The following HMCN1 variants were observed in gnomAD, a reference collection of about 807,000 sequenced individuals.
HMCN1 encodes the protein hemicentin-1.
A neutral mutation model predicts 625.9 loss-of-function variants in HMCN1; 321 were observed. That is an observed-to-expected ratio of 0.51 (90% CI 0.47 to 0.56). HMCN1 has a LOEUF of 0.56. Ranked by LOEUF, HMCN1 falls within the 20% of genes least tolerant of loss-of-function variation. The probability of loss-of-function intolerance (pLI) is 0.00; values close to 1 mark genes in which losing one functional copy is unlikely to be tolerated. For missense variants in HMCN1, 6,588 were observed against 6,887.3 expected (o/e 0.96, Z 1.54); for synonymous variants, 2,425 against 2,417.6 (o/e 1.00, Z -0.09).
Position 185,735,040 on chromosome 1 carries a change from T to C in HMCN1, c.261T>C (p.His87=), listed in dbSNP as rs906784787. 5.0e-6 allele frequency: 8 copies of C among 1,614,012 alleles called. No individual in the cohort carries two copies. Among genetic ancestry groups the C allele is most frequent in the African/African-American group, 1.3e-5 (1 of 74,938 alleles). ...PLFNFALVPF[H]DPEIGPVTIT... ...TCAACTTTGCGTTGGTGCCTTTCCA[T>C]GATCCAGGTAAGGGAAATATTTATA... The change falls in exon 1 of 107, where the codon CAT becomes CAC. Residue 87 remains histidine (H), a synonymous_variant. Transcript: ENST00000271588.
Position 186,122,969 on chromosome 1 carries a change from C to T in HMCN1, c.12248C>T (p.Pro4083Leu), listed in dbSNP as rs573554320. Residue 4083 changes from proline to leucine, a missense_variant, in exon 81 of 107, where the codon CCT (proline) becomes CTT (leucine). Transcript: ENST00000271588. ...LNVQVPPVIS[P>L]HLKEYVIAVD... is the part of the protein sequence containing the mutation. ...ATTTTAGTTCCTCCAGTCATTAGCC[C>T]TCATCTAAAGGAATATGTTATTGCT... The T allele has an allele frequency of 2.5e-6, 4 of 1,613,944 alleles. No individual in the cohort carries two copies. In the South Asian group the frequency reaches 4.4e-5, roughly 18 times the overall value.
chr1:185,787,160 T>TGA (rs1257352381), intron 1 of HMCN1, among the ~76,000 whole-genome samples: 3 of 151,776 alleles, frequency 2.0e-5, no homozygotes, highest in African/African-American at 7.3e-5. Context: ...TGTGTGTGTG[T>TGA]GTGTGTGTGT....
At chr1:186,091,457 G>A (rs1483787105) in intron 64 of HMCN1, among the ~76,000 whole-genome samples, 3 of 151,936 alleles carry the variant, frequency 2.0e-5, no homozygotes, top group African/African-American at 7.2e-5. Flanking sequence ...TGTTACCCAT[G>A]CAACAAACCA....
chr1:185,863,920 AT>A (rs902672261), intron 2 of HMCN1, among the ~76,000 whole-genome samples: 22 of 152,178 alleles, frequency 1.4e-4, no homozygotes, highest in Non-Finnish European at 2.4e-4. Flanking sequence ...TGCTGGAATG[AT>A]TTAGTAAAGA....
intron 80 of HMCN1, among the ~76,000 whole-genome samples, chr1:186,122,545 TAAGTAA>T (rs1661446412): frequency 6.6e-6 from 1 of 152,192 alleles, no homozygotes; most frequent in Non-Finnish European, 1.5e-5. Context: ...TGGAAATACG[TAAGTAA>T]AAGTATCCAA....
chr1:186,103,358 C>G (rs1436882428), intron 68 of HMCN1, 114 bp from the exon 69 acceptor site: 10 of 839,274 alleles, frequency 1.2e-5, no homozygotes, highest in Non-Finnish European at 1.8e-5. Flanking sequence ...TTTCCTTGTT[C>G]TAATCAATTT....
intron 71 of HMCN1, among the ~76,000 whole-genome samples, chr1:186,108,990 G>A (rs1480629307): frequency 6.6e-6 from 1 of 152,152 alleles, no homozygotes; most frequent in African/African-American, 2.4e-5. Context: ...AATTTCCCTT[G>A]TCTAAGCTTG....
intron 15 of HMCN1, among the ~76,000 whole-genome samples, chr1:185,976,466 A>G (rs923393432): frequency 6.6e-6 from 1 of 152,164 alleles, no homozygotes; most frequent in South Asian, 2.1e-4. Flanking sequence ...CATCAACTCC[A>G]GAATTCCCAT....
At chr1:185,922,707 A>G (rs1348931042) in intron 7 of HMCN1, among the ~76,000 whole-genome samples, 1 of 152,192 alleles carries the variant, frequency 6.6e-6, no homozygotes, top group Non-Finnish European at 1.5e-5. Context: ...CTTGTTAAAA[A>G]TTAAGATTCC....
At chr1:185,982,034 CCTT>C (rs1220424134) in intron 17 of HMCN1, among the ~76,000 whole-genome samples, 2 of 152,148 alleles carry the variant, frequency 1.3e-5, no homozygotes, top group Non-Finnish European at 2.9e-5. Context: ...TTCTTTTTTA[CCTT>C]CTTTACTACT....
chr1:185,944,178 T>G (rs977677565), intron 11 of HMCN1, among the ~76,000 whole-genome samples: 1 of 150,208 alleles, frequency 6.7e-6, no homozygotes, highest in African/African-American at 2.5e-5. Flanking sequence ...AAAAAGAAAA[T>G]AAATGAAGGG....
chr1:185,990,492 T>C (rs1330819244), intron 22 of HMCN1, 49 bp downstream of exon 22: 1 of 1,506,730 alleles, frequency 6.6e-7, no homozygotes, highest in South Asian at 1.1e-5. Context: ...AATCAACCTC[T>C]TGGGACAGAT....
chr1:186,116,917 G>C, intron 75 of HMCN1, 77 bp from the exon 76 acceptor site: 1 of 1,508,492 alleles, frequency 6.6e-7, no homozygotes. Context: ...TTTACAACAT[G>C]GTACCATGTT....
In HMCN1 at chr1:186,146,087, G is replaced by A. The variant is rs186497438; in HGVS notation, c.14608+164G>A. Among the ~76,000 whole-genome samples the A allele has an allele frequency of 3.3e-5, 5 of 151,894 alleles. No individual in the cohort carries two copies. The East Asian group carries it at 9.7e-4, about 29-fold the overall frequency. On this transcript the variant is annotated intron_variant, in intron 93 of 106. Transcript: ENST00000271588. The stretch of plus-strand genomic sequence containing the variant: ...TTGGTACAGTTCTGTATCAATCCAA[G>A]GCTGGGTTCTAGCCTCTATTTTCTC...
rs1214723950 is a variant in HMCN1, at chr1:185,743,982, G to GTTT, written c.268+8957_268+8959dup. 3.5e-3 allele frequency among the ~76,000 whole-genome samples: 308 copies of GTTT among 88,152 alleles called. 3 individuals are homozygous for GTTT. The highest frequency in any genetic ancestry group is 4.8e-3 in the Non-Finnish European group (221 of 45,880). 57.8% of individuals were successfully genotyped at this position (88,152 alleles called of 152,430 possible). A position where few individuals can be genotyped will look rare whatever the true frequency, so the allele number is the denominator to read the frequency against. ...TTCTACTTGATGACTTTACTGTTTT[G>GTTT]TTTTTTTTTTTTTTTTTTTTTTTTG... On this transcript the variant is annotated intron_variant, in intron 1 of 106. Transcript: ENST00000271588.
chr1:185,858,825 C>G (rs1248796940), intron 2 of HMCN1, among the ~76,000 whole-genome samples: 1 of 151,218 alleles, frequency 6.6e-6, no homozygotes, highest in Non-Finnish European at 1.5e-5. Flanking sequence ...GTCACATTTC[C>G]ATTACTTCCA....
Position 185,865,732 on chromosome 1 carries a change from T to C in HMCN1, c.499-9T>C, listed in dbSNP as rs79073263. On this transcript the variant is annotated splice_polypyrimidine_tract_variant and intron_variant, in intron 3 of 106. Coordinates refer to ENST00000271588, the MANE Select transcript of HMCN1 (RefSeq NM_031935.3). ...TTTACACTGTTTCTTTTTTTTTTTT[T>C]AATCATAGGTCGTATTTGTTCTGAC... 6.3e-7 allele frequency: 1 copy of C among 1,597,658 alleles called. No homozygotes were observed. The highest frequency in any genetic ancestry group is 1.1e-5 in the South Asian group (1 of 90,696).
intron 1 of HMCN1, among the ~76,000 whole-genome samples, chr1:185,761,971 A>G (rs1316560907): frequency 1.3e-5 from 2 of 152,188 alleles, no homozygotes; most frequent in Non-Finnish European, 2.9e-5. Flanking sequence ...GACTTTGTAC[A>G]AAGGATAAGT....
In HMCN1 at chr1:186,112,928, A is replaced by G; in HGVS notation, c.11106A>G (p.Thr3702=). 1 of 1,614,124 alleles carries G rather than the reference A, an allele frequency of 6.2e-7. No individual in the cohort carries two copies. Among genetic ancestry groups the G allele is most frequent in the Non-Finnish European group, 8.5e-7 (1 of 1,180,004 alleles). The part of the protein sequence containing the change: ...CVASNIAGKT[T]REFILTVNVP... Reference sequence around the variant, plus strand: ...CCAGCAACATTGCAGGAAAGACTACAAGAGAATTTATTCTCACTGTAAATG... The same window carrying G: ...CCAGCAACATTGCAGGAAAGACTACGAGAGAATTTATTCTCACTGTAAATG... Residue 3702 remains threonine (T), a synonymous_variant, in exon 72 of 107, where the codon ACA becomes ACG. Transcript: ENST00000271588.
Sources: gnomAD v4.1 joint callset for allele counts (sites outside exome capture counted in the v4.1 genomes callset) on GRCh38, gnomAD v4.1.1 for gene constraint, MANE v1.5 for transcripts, NCBI Gene and HGNC (gene_info 2026-07-23, HGNC 2026-07-21) for gene names.